Variants in TBC1D9 observed in about 807,000 individuals in gnomAD.
TBC1D9 encodes TBC1 domain family member 9A.
Under a neutral mutation model 132.0 loss-of-function variants are expected in TBC1D9, and 63 were observed. The observed-to-expected ratio is 0.48, with a 90% CI of 0.39 to 0.59. The LOEUF is 0.59. Among genes scored for constraint, TBC1D9 ranks in the 20% least tolerant of loss-of-function variants. The pLI is 0.00. For synonymous variants in TBC1D9, 610 were observed against 609.9 expected, an observed-to-expected ratio of 1.00 and a Z score of 0.00; for missense variants, 1,261 against 1,592.7, an observed-to-expected ratio of 0.79 and a Z score of 3.54.
intron 9 of TBC1D9, among the ~76,000 whole-genome samples, chr4:140,662,619 T>C (rs2111002125): frequency 1.3e-5 from 2 of 152,312 alleles, no homozygotes; most frequent in East Asian, 1.9e-4. Flanking sequence ...TTGAGGGAGA[T>C]ACTTGGAGTT....
rs114276049 is a variant in TBC1D9, at chr4:140,745,018, C to A, written c.130+10898G>T. Among the ~76,000 whole-genome samples the A allele has an allele frequency of 9.4e-3, 1,422 of 151,652 alleles. 13 individuals carry two copies. The highest frequency in any genetic ancestry group is 0.034 in the Middle Eastern group (10 of 294). ...GATTCCAGATCTATAGATAATAACT[C>A]TTTAAACCAATTGCCCATCAGAAAA... is the stretch of plus-strand genomic sequence containing the variant. On this transcript the variant is annotated intron_variant, in intron 1 of 20. Transcript: ENST00000442267.
At position 140,756,133 on chromosome 4, in the gene TBC1D9, A is replaced by ACGCG; in HGVS notation, c.-92_-89dup. 9.0e-7 allele frequency: 1 copy of ACGCG among 1,108,754 alleles called. No individual in the cohort carries two copies. The highest frequency in any genetic ancestry group is 1.2e-6 in the Non-Finnish European group (1 of 848,130). 68.7% of individuals were successfully genotyped at this position (1,108,754 alleles called of 1,614,324 possible). ...GCGACAGGCGCGCACTCCTGGGCAC[A>ACGCG]CGCGCGCCCGCCCGCCCGTCCGCTA... On this transcript the variant is annotated 5_prime_UTR_variant, in exon 1 of 21. Transcript: ENST00000442267. This position sits in a 1 kb window ranked among gnomAD's most constrained non-coding sequence, Gnocchi z 5.6.
At chr4:140,696,613 C>T (rs1396493751) in intron 2 of TBC1D9, among the ~76,000 whole-genome samples, 1 of 152,134 alleles carries the variant, frequency 6.6e-6, no homozygotes, top group Non-Finnish European at 1.5e-5. Flanking sequence ...CAAAACAGTC[C>T]TCCTGCCTGA....
At chr4:140,684,324 TCTGTAGTTAA>T (rs1387543277) in intron 3 of TBC1D9, among the ~76,000 whole-genome samples, 2 of 152,078 alleles carry the variant, frequency 1.3e-5, no homozygotes, top group Admixed American at 1.3e-4. Flanking sequence ...TATGGTTGCA[TCTGTAGTTAA>T]CTATTACATT....
chr4:140,643,588 G>A (rs2110982197), intron 13 of TBC1D9: 2 of 897,732 alleles, frequency 2.2e-6, no homozygotes, highest in Non-Finnish European at 3.4e-6. Flanking sequence ...AGGGCCGCCT[G>A]GGCCAGGCCT....
intron 1 of TBC1D9, among the ~76,000 whole-genome samples, chr4:140,748,847 T>A (rs1738879364): frequency 6.6e-6 from 1 of 152,112 alleles, no homozygotes; most frequent in African/African-American, 2.4e-5. Flanking sequence ...AGAAAAATGG[T>A]CAGAGAGGGA....
chr4:140,629,805 A>G (rs189494981), intron 16 of TBC1D9, among the ~76,000 whole-genome samples: 20 of 152,296 alleles, frequency 1.3e-4, no homozygotes, highest in African/African-American at 4.3e-4. Context: ...CACATGGTTA[A>G]CTAAACTCCC....
intron 14 of TBC1D9, 39 bp from the exon 15 acceptor site, chr4:140,639,193 A>G (rs542288650): frequency 3.0e-5 from 46 of 1,522,382 alleles, no homozygotes; most frequent in Middle Eastern, 1.7e-4. Context: ...CACAAACTCA[A>G]AAAGTGCCAT....
intron 6 of TBC1D9, 62 bp from the exon 7 acceptor site, chr4:140,670,988 T>C: frequency 7.0e-7 from 1 of 1,434,890 alleles, no homozygotes; most frequent in Non-Finnish European, 9.8e-7. Context: ...GCAGCCTATA[T>C]GCAGCACTAA....
chr4:140,650,484 C>T (rs986837858), intron 13 of TBC1D9, among the ~76,000 whole-genome samples: 6 of 152,060 alleles, frequency 3.9e-5, no homozygotes, highest in African/African-American at 1.2e-4. Flanking sequence ...CCTTGATGAG[C>T]GACGCCACAG....
At chr4:140,697,857 C>T (rs1050476687) in intron 2 of TBC1D9, among the ~76,000 whole-genome samples, 3 of 152,126 alleles carry the variant, frequency 2.0e-5, no homozygotes, top group Non-Finnish European at 4.4e-5. Context: ...CAGTTCCTTA[C>T]ATCACCAGAA....
chr4:140,678,790 T>C (rs1226789919), intron 5 of TBC1D9, among the ~76,000 whole-genome samples, 152 bp downstream of exon 5: 1 of 152,216 alleles, frequency 6.6e-6, no homozygotes, highest in East Asian at 1.9e-4. Flanking sequence ...TCTGAACTGG[T>C]AGCACCTCAG....
In TBC1D9 at chr4:140,679,091, T is replaced by C; in HGVS notation, c.702A>G (p.Val234=). The C allele has an allele frequency of 1.2e-6, 2 of 1,613,926 alleles. No homozygotes were observed. Among genetic ancestry groups the C allele is most frequent in the Non-Finnish European group, 1.7e-6 (2 of 1,179,844 alleles). The part of the protein sequence containing the change: ...STRSSEHFFS[V]FLNINETFKL... Reference sequence around the variant, plus strand: ...TGAAGGTCTCGTTGATGTTGAGGAATACAGAGAAGAAATGCTCACTGGACC... The same window carrying C: ...TGAAGGTCTCGTTGATGTTGAGGAACACAGAGAAGAAATGCTCACTGGACC... Residue 234 remains valine, a synonymous_variant, in exon 5 of 21, where the codon GTA becomes GTG. Coordinates refer to ENST00000442267, the MANE Select transcript of TBC1D9 (RefSeq NM_015130.3).
chr4:140,748,525 A>G (rs961706043), intron 1 of TBC1D9, among the ~76,000 whole-genome samples: 1 of 152,228 alleles, frequency 6.6e-6, no homozygotes, highest in Non-Finnish European at 1.5e-5. Context: ...AACATCACAA[A>G]TTATCTAGAT....
intron 9 of TBC1D9, among the ~76,000 whole-genome samples, chr4:140,667,249 G>C (rs1054601170): frequency 6.6e-6 from 1 of 152,090 alleles, no homozygotes; most frequent in South Asian, 2.1e-4. Flanking sequence ...ACCACCCTGC[G>C]GTCTCACATG....
intron 1 of TBC1D9, among the ~76,000 whole-genome samples, chr4:140,730,998 G>A (rs989451725): frequency 6.6e-5 from 10 of 152,140 alleles, no homozygotes; most frequent in Non-Finnish European, 1.0e-4. Flanking sequence ...AATGATGCTC[G>A]TCCTTTACCC....
At chr4:140,733,415 A>G (rs548359778) in intron 1 of TBC1D9, among the ~76,000 whole-genome samples, 2 of 152,298 alleles carry the variant, frequency 1.3e-5, no homozygotes, top group East Asian at 3.9e-4. Context: ...GAAATCTGGG[A>G]GATGTTTTCT....
At chr4:140,699,460 T>A (rs1327560416) in intron 2 of TBC1D9, among the ~76,000 whole-genome samples, 1 of 152,202 alleles carries the variant, frequency 6.6e-6, no homozygotes, top group East Asian at 1.9e-4. Context: ...ATCATGTTGA[T>A]AAAATGTACA....
chr4:140,735,914 G>A (rs540744717), intron 1 of TBC1D9, among the ~76,000 whole-genome samples: 10 of 152,228 alleles, frequency 6.6e-5, no homozygotes, highest in African/African-American at 2.4e-4. Flanking sequence ...AAGCGGGGAT[G>A]GATCACAGCT....
Sources: gnomAD v4.1 joint callset for allele counts (sites outside exome capture counted in the v4.1 genomes callset) on GRCh38, gnomAD v4.1.1 for gene constraint, Gnocchi (gnomAD v3.1) non-coding constraint, MANE v1.5 for transcripts, NCBI Gene and HGNC (gene_info 2026-07-23, HGNC 2026-07-21) for gene names.